The following ZFHX3 variants were observed in gnomAD, a reference collection of about 807,000 sequenced individuals.
ZFHX3 encodes zinc finger homeobox protein 3.
In ZFHX3, 42 loss-of-function variants were observed where a neutral mutation model predicts 279.1. The observed-to-expected ratio is 0.15, with a 90% CI of 0.12 to 0.19. The LOEUF is 0.19. ZFHX3 is among the 10% of genes least tolerant of loss of function. ZFHX3 has a pLI of 1.00. For missense variants in ZFHX3, 4,981 were observed against 4,754.0 expected (o/e 1.05, Z -1.40); for synonymous variants, 2,293 against 1,957.8 (o/e 1.17, Z -4.52).
intron 1 of ZFHX3, among the ~76,000 whole-genome samples, chr16:73,685,732 A>G (rs894241499): frequency 6.6e-6 from 1 of 152,226 alleles, no homozygotes; most frequent in Non-Finnish European, 1.5e-5. Context: ...AATGCCCACA[A>G]TGATTCTAAT....
intron 6 of ZFHX3, among the ~76,000 whole-genome samples, chr16:73,133,521 G>A (rs1026568581): frequency 6.6e-6 from 1 of 152,122 alleles, no homozygotes; most frequent in African/African-American, 2.4e-5. Context: ...TAAGACTGGT[G>A]TCCTTTTAAG....
At chr16:72,909,978 T>G (rs1262660130) in intron 3 of ZFHX3, among the ~76,000 whole-genome samples, 1 of 152,118 alleles carries the variant, frequency 6.6e-6, no homozygotes, top group African/African-American at 2.4e-5. Flanking sequence ...TAAGAGCCAT[T>G]TAACTTTCAA....
chr16:72,928,431 C>G (rs1405785072), intron 3 of ZFHX3, among the ~76,000 whole-genome samples: 1 of 152,032 alleles, frequency 6.6e-6, no homozygotes, highest in Admixed American at 6.5e-5. Context: ...AGCGCCCCCA[C>G]CACAACCCCT....
intron 1 of ZFHX3, among the ~76,000 whole-genome samples, chr16:73,871,407 C>A (rs1020847638): frequency 1.3e-5 from 2 of 151,984 alleles, no homozygotes; most frequent in Middle Eastern, 3.4e-3. Context: ...AATTTTACTT[C>A]TTCTATTAAC....
chr16:73,809,305 C>G (rs1597125390), intron 1 of ZFHX3: 1 of 152,210 alleles, frequency 6.6e-6, no homozygotes, highest in Non-Finnish European at 1.5e-5. Flanking sequence ...TACGGTGACA[C>G]TGTAACCTCC....
chr16:73,269,300 C>T (rs2014076430), intron 4 of ZFHX3, among the ~76,000 whole-genome samples: 1 of 152,200 alleles, frequency 6.6e-6, no homozygotes, highest in Non-Finnish European at 1.5e-5. Context: ...TGTCCCTGAA[C>T]ATTCTTTCTT....
At chr16:73,261,063 T>A (rs774604270) in intron 4 of ZFHX3, among the ~76,000 whole-genome samples, 9 of 152,180 alleles carry the variant, frequency 5.9e-5, no homozygotes, top group Non-Finnish European at 1.0e-4. Context: ...GTTAAAGGAT[T>A]TATGTGCAAG....
intron 2 of ZFHX3, among the ~76,000 whole-genome samples, chr16:73,542,417 G>C (rs1454785929): frequency 3.9e-5 from 6 of 152,086 alleles, no homozygotes; most frequent in Non-Finnish European, 7.4e-5. Flanking sequence ...TAAATGGACA[G>C]ACACCTGTCC....
chr16:73,146,101 C>A (rs1224075108), intron 5 of ZFHX3, among the ~76,000 whole-genome samples: 2 of 149,264 alleles, frequency 1.3e-5, no homozygotes, highest in Non-Finnish European at 2.9e-5. Context: ...TTAAGAGAGA[C>A]AAAAACAGGA....
intron 1 of ZFHX3, among the ~76,000 whole-genome samples, chr16:73,886,199 C>A (rs1011912722): frequency 1.3e-5 from 2 of 151,738 alleles, no homozygotes; most frequent in Non-Finnish European, 2.9e-5. Flanking sequence ...CTGTTACTTC[C>A]TTTTTTAAAA....
intron 3 of ZFHX3, among the ~76,000 whole-genome samples, chr16:73,411,650 A>G (rs1418901121): frequency 6.6e-6 from 1 of 152,232 alleles, no homozygotes; most frequent in African/African-American, 2.4e-5. Context: ...AACTATCAGC[A>G]TATAAAATCC....
chr16:73,075,629 A>AATCAAAGAC (rs998551198), intron 8 of ZFHX3, among the ~76,000 whole-genome samples: 1 of 151,934 alleles, frequency 6.6e-6, no homozygotes, highest in African/African-American at 2.4e-5. Flanking sequence ...TACCTAGAAG[A>AATCAAAGAC]ATCAAAGACT....
intron 4 of ZFHX3, among the ~76,000 whole-genome samples, chr16:73,265,767 G>A (rs891088220): frequency 1.3e-5 from 2 of 152,168 alleles, no homozygotes. Flanking sequence ...TATAAAAATG[G>A]CTGCAGCGAT....
intron 1 of ZFHX3, among the ~76,000 whole-genome samples, chr16:73,689,683 T>A (rs2053127116): frequency 6.6e-6 from 1 of 152,162 alleles, no homozygotes; most frequent in Non-Finnish European, 1.5e-5. Flanking sequence ...ATGTTACAAG[T>A]CAGATGGAAT....
intron 8 of ZFHX3, among the ~76,000 whole-genome samples, chr16:73,065,225 CCA>C (rs1231241868): frequency 6.6e-6 from 1 of 152,190 alleles, no homozygotes; most frequent in Non-Finnish European, 1.5e-5. Flanking sequence ...GAGACGGTGC[CCA>C]CGGTGGCACG....
Position 73,409,931 on chromosome 16 carries a change from TAAAG to T in ZFHX3, c.-1291+46068_-1291+46071del, listed in dbSNP as rs1309747367. 1.2e-4 allele frequency among the ~76,000 whole-genome samples: 15 copies of T among 124,702 alleles called. No individual in the cohort carries two copies. In the Admixed American group the frequency reaches 1.2e-3, roughly 10 times the overall value. 81.8% of individuals were successfully genotyped at this position (124,702 alleles called of 152,430 possible). On this transcript the variant is annotated intron_variant, in intron 3 of 17. Transcript: ENST00000641206. ...TGAACAACAATTGAACTCACGGAGA[TAAAG>T]AAAGAGAGTAGGTTGATGGTTACCA...
chr16:73,226,924 C>A (rs2012612367), intron 5 of ZFHX3, among the ~76,000 whole-genome samples: 1 of 152,246 alleles, frequency 6.6e-6, no homozygotes, highest in South Asian at 2.1e-4. Flanking sequence ...CGAATAGGGG[C>A]TATAGGATAG....
chr16:73,502,071 T>C (rs1480423278), intron 2 of ZFHX3, among the ~76,000 whole-genome samples: 4 of 151,746 alleles, frequency 2.6e-5, no homozygotes, highest in Non-Finnish European at 5.9e-5. Flanking sequence ...CACTGGAAAG[T>C]GGTTAAAGGT....
chr16:73,682,916 GAGA>G (rs2053032777), intron 1 of ZFHX3, among the ~76,000 whole-genome samples: 1 of 29,896 alleles, frequency 3.3e-5, no homozygotes, highest in African/African-American at 1.0e-4. Context: ...GAGAAAGAAA[GAGA>G]GAAAGAGAAA....
Sources: allele counts gnomAD v4.1 joint callset (sites outside exome capture counted in the v4.1 genomes callset), GRCh38; gene constraint gnomAD v4.1.1; transcripts MANE v1.5; gene names NCBI Gene and HGNC (gene_info 2026-07-23, HGNC 2026-07-21).